The following CFAP77 variants were observed in gnomAD, a reference collection of about 807,000 sequenced individuals.
The protein encoded by CFAP77 is cilia and flagella associated protein 77, also known as cilia- and flagella-associated protein 77.
In CFAP77, 25 loss-of-function variants were observed where a neutral mutation model predicts 31.1. The ratio of observed to expected loss-of-function variants is 0.80; its 90% CI spans 0.59 to 1.12. The LOEUF (loss-of-function observed/expected upper bound fraction) is 1.12, where lower values mean the gene tolerates loss of function less well. Ranked by LOEUF, CFAP77 falls within the 50% of genes most tolerant of loss-of-function variation. CFAP77 has a pLI of 0.00. For missense variants in CFAP77, 377 were observed against 397.3 expected (o/e 0.95, Z 0.44); for synonymous variants, 151 against 159.9 (o/e 0.94, Z 0.42).
intron 1 of CFAP77, among the ~76,000 whole-genome samples, chr9:132,475,130 T>C (rs1423404495): frequency 6.6e-6 from 1 of 152,250 alleles, no homozygotes; most frequent in Non-Finnish European, 1.5e-5. Context: ...ACTTTCATTA[T>C]CTGCTGGCTG....
chr9:132,472,999 G>A (rs190608649), intron 1 of CFAP77, among the ~76,000 whole-genome samples: 2 of 152,080 alleles, frequency 1.3e-5, no homozygotes, highest in South Asian at 2.1e-4. Context: ...GCATGGCACC[G>A]GCATCTGCTC....
Position 132,523,064 on chromosome 9 carries a change from C to T in CFAP77, c.525-14537C>T, listed in dbSNP as rs114725965. 9.6e-3 allele frequency among the ~76,000 whole-genome samples: 1,455 copies of T among 151,324 alleles called. 32 individuals carry two copies. Among genetic ancestry groups the T allele is most frequent in the African/African-American group, 0.032 (1,333 of 41,142 alleles). On this transcript the variant is annotated intron_variant, in intron 3 of 5. Transcript: ENST00000393216. ...CTGCCTCGGGCCTCGCTGTGGACAT[C>T]ACTGGTAGGCTTCTTTCTTCTTTCT...
chr9:132,509,046 G>A (rs1490840518), intron 3 of CFAP77, among the ~76,000 whole-genome samples: 1 of 152,250 alleles, frequency 6.6e-6, no homozygotes. Context: ...CCTCAGCAGC[G>A]AGATGGCGGC....
intron 1 of CFAP77, among the ~76,000 whole-genome samples, chr9:132,417,370 C>A (rs1211382030): frequency 6.6e-6 from 1 of 152,114 alleles, no homozygotes; most frequent in Non-Finnish European, 1.5e-5. Flanking sequence ...ACCTCGGCCT[C>A]CCAAATTGCT....
intron 1 of CFAP77, among the ~76,000 whole-genome samples, chr9:132,463,613 G>T (rs1851099730): frequency 1.3e-5 from 2 of 152,186 alleles, no homozygotes; most frequent in Non-Finnish European, 1.5e-5. Context: ...TGATACAGCA[G>T]GAAAGGGGTC....
chr9:132,507,640 A>G (rs1851955021), intron 3 of CFAP77, among the ~76,000 whole-genome samples: 2 of 152,170 alleles, frequency 1.3e-5, no homozygotes, highest in Admixed American at 1.3e-4. Flanking sequence ...GGGCCCATCA[A>G]TCACTCTGGG....
intron 5 of CFAP77, among the ~76,000 whole-genome samples, chr9:132,548,012 C>T (rs1457929497): frequency 2.0e-5 from 3 of 152,170 alleles, no homozygotes; most frequent in Non-Finnish European, 4.4e-5. Flanking sequence ...GTGAGTGCCC[C>T]CAAAAGCTTA....
intron 1 of CFAP77, among the ~76,000 whole-genome samples, chr9:132,468,113 C>T (rs575138345): frequency 1.1e-4 from 17 of 152,118 alleles, no homozygotes; most frequent in South Asian, 6.2e-4. Flanking sequence ...GAGGCCGAGG[C>T]GGGTGGGTCA....
intron 1 of CFAP77, among the ~76,000 whole-genome samples, chr9:132,453,875 ATGT>A (rs1850871931): frequency 6.6e-6 from 1 of 152,214 alleles, no homozygotes; most frequent in African/African-American, 2.4e-5. Context: ...TTCTTTTGGA[ATGT>A]TGTCCCTTAC....
At chr9:132,452,878 C>A (rs1013239719) in intron 1 of CFAP77, among the ~76,000 whole-genome samples, 2 of 152,196 alleles carry the variant, frequency 1.3e-5, no homozygotes, top group African/African-American at 4.8e-5. Flanking sequence ...CCCTTTCTGA[C>A]TCTCAAATTC....
At chr9:132,556,255 A>C (rs1006859037) in intron 5 of CFAP77, among the ~76,000 whole-genome samples, 6 of 152,152 alleles carry the variant, frequency 3.9e-5, no homozygotes, top group Admixed American at 6.5e-5. Context: ...CTTAGTCTTC[A>C]CGATAAAAGA....
intron 3 of CFAP77, among the ~76,000 whole-genome samples, chr9:132,515,056 C>T (rs558141013): frequency 6.6e-6 from 1 of 152,236 alleles, no homozygotes; most frequent in South Asian, 2.1e-4. Context: ...AGTTGGGACT[C>T]TCAAAGGGTG....
chr9:132,543,572 C>G (rs534963939), intron 5 of CFAP77, among the ~76,000 whole-genome samples: 1 of 152,338 alleles, frequency 6.6e-6, no homozygotes, highest in African/African-American at 2.4e-5. Context: ...AAACCTCCCT[C>G]CAGGGAAGGG....
chr9:132,539,672 G>A lies in CFAP77; in HGVS notation c.630+1966G>A, dbSNP rs1462076094. ...AGGGGTGCACGAAGTGGGAGGCTGA[G>A]GATTTCCAGGCGTGGCGGGTGCCAG... On this transcript the variant is annotated intron_variant, in intron 4 of 5. Transcript: ENST00000393216. This position sits in a 1 kb window ranked among gnomAD's most constrained non-coding sequence, Gnocchi z 4.3. Among the ~76,000 whole-genome samples the A allele has an allele frequency of 6.6e-6, 1 of 152,186 alleles. No individual in the cohort carries two copies. The highest frequency in any genetic ancestry group is 1.5e-5 in the Non-Finnish European group (1 of 68,038).
chr9:132,413,927 C>T (rs879021319), intron 1 of CFAP77, among the ~76,000 whole-genome samples: 13 of 152,134 alleles, frequency 8.5e-5, no homozygotes, highest in Non-Finnish European at 1.5e-5. Flanking sequence ...AGAGCAGACA[C>T]GGCATTTGGG....
intron 3 of CFAP77, among the ~76,000 whole-genome samples, chr9:132,522,014 G>A (rs566467489): frequency 8.6e-5 from 13 of 152,038 alleles, no homozygotes; most frequent in South Asian, 8.3e-4. Flanking sequence ...CACCTGCCTC[G>A]GCCTCCCAAA....
chr9:132,423,288 C>T (rs7470548), intron 1 of CFAP77, among the ~76,000 whole-genome samples: 8,444 of 152,332 alleles, frequency 0.055, 311 homozygotes, highest in South Asian at 0.13. Context: ...TCACAGGATG[C>T]TCACGGGTCT....
intron 5 of CFAP77, among the ~76,000 whole-genome samples, chr9:132,544,943 CCT>C (rs888838529): frequency 3.3e-5 from 5 of 152,102 alleles, no homozygotes; most frequent in African/African-American, 1.2e-4. Context: ...TCAGCCCCCT[CCT>C]CTCTGATTTA....
In CFAP77 at chr9:132,418,748, G is replaced by A. The variant is rs539881870; in HGVS notation, c.195+8282G>A. 2.0e-5 allele frequency among the ~76,000 whole-genome samples: 3 copies of A among 152,312 alleles called. No individual in the cohort carries two copies. The East Asian group carries it at 5.8e-4, about 29-fold the overall frequency. On this transcript the variant is annotated intron_variant, in intron 1 of 5. Coordinates refer to ENST00000393216, the MANE Select transcript of CFAP77 (RefSeq NM_001282957.2). Reference sequence around the variant, plus strand: ...TTCATTAGATAAACTCATTAGCAAAGGGGCTGATTTGTTGAGTAATCACTG... The same window carrying A: ...TTCATTAGATAAACTCATTAGCAAAAGGGCTGATTTGTTGAGTAATCACTG...
Sources: allele counts gnomAD v4.1 joint callset (sites outside exome capture counted in the v4.1 genomes callset), GRCh38; gene constraint gnomAD v4.1.1; non-coding constraint Gnocchi (gnomAD v3.1); transcripts MANE v1.5; gene names NCBI Gene and HGNC (gene_info 2026-07-23, HGNC 2026-07-21).